Variants in TSHZ2 observed in about 807,000 individuals in gnomAD.
The protein encoded by TSHZ2 is teashirt homolog 2.
In TSHZ2, 21 loss-of-function variants were observed where a neutral mutation model predicts 74.4. The ratio of observed to expected loss-of-function variants is 0.28; its 90% CI spans 0.20 to 0.41. The LOEUF (loss-of-function observed/expected upper bound fraction) is 0.41, where lower values mean the gene tolerates loss of function less well. Ranked by LOEUF, TSHZ2 falls within the 10% of genes least tolerant of loss-of-function variation. TSHZ2 has a pLI of 1.00. For synonymous variants in TSHZ2, 540 were observed against 515.3 expected (o/e 1.05, Z -0.65); for missense variants, 1,244 against 1,293.5 (o/e 0.96, Z 0.59).
chr20:53,053,728 T>G (rs1280819524), intron 1 of TSHZ2, among the ~76,000 whole-genome samples: 1 of 152,108 alleles, frequency 6.6e-6, no homozygotes, highest in East Asian at 1.9e-4. Context: ...CATAAAACAT[T>G]TTTGAACTAT....
intron 2 of TSHZ2, among the ~76,000 whole-genome samples, chr20:53,279,446 CT>C (rs979054555): frequency 2.0e-5 from 3 of 152,218 alleles, no homozygotes; most frequent in Admixed American, 6.5e-5. Context: ...ATAAAAACCA[CT>C]CTTACTTTGT....
intron 2 of TSHZ2, among the ~76,000 whole-genome samples, chr20:53,423,913 C>T (rs1983569740): frequency 6.6e-6 from 1 of 152,174 alleles, no homozygotes. Context: ...GGGGGTGGTG[C>T]TGTTAGCGCC....
In TSHZ2 at chr20:53,396,286, C is replaced by T. The variant is rs1462881313; in HGVS notation, c.*9-90858C>T. ...ATACAAAATATCCAGCTCACATGTACGTATCGTGGTTCTGATGCACCAGCT... is the reference window on the plus strand; with the variant it reads ...ATACAAAATATCCAGCTCACATGTATGTATCGTGGTTCTGATGCACCAGCT... On this transcript the variant is annotated intron_variant, in intron 2 of 2. Transcript: ENST00000371497. 3.3e-5 allele frequency among the ~76,000 whole-genome samples: 5 copies of T among 152,294 alleles called. No homozygotes were observed. In the East Asian group the frequency reaches 5.8e-4, roughly 18 times the overall value.
intron 2 of TSHZ2, among the ~76,000 whole-genome samples, chr20:53,395,041 C>A (rs1469467014): frequency 1.3e-5 from 2 of 152,072 alleles, no homozygotes; most frequent in Non-Finnish European, 2.9e-5. Flanking sequence ...TTCTCTTCAG[C>A]ATGCGGGGAA....
intron 2 of TSHZ2, among the ~76,000 whole-genome samples, chr20:53,370,772 A>G (rs6091666): frequency 0.11 from 17,467 of 152,186 alleles, 2,515 homozygotes; most frequent in African/African-American, 0.34. Flanking sequence ...TCAAAAAACA[A>G]AACAAAACCA....
intron 2 of TSHZ2, among the ~76,000 whole-genome samples, chr20:53,480,616 C>T (rs965690349): frequency 3.3e-5 from 5 of 151,794 alleles, no homozygotes; most frequent in Non-Finnish European, 7.4e-5. Context: ...GGATGATGGA[C>T]AACAGCACCT....
intron 2 of TSHZ2, among the ~76,000 whole-genome samples, chr20:53,469,057 A>ATATATATG: frequency 8.9e-6 from 1 of 112,112 alleles, no homozygotes; most frequent in East Asian, 2.5e-4. Context: ...ATATATATAT[A>ATATATATG]TATATATATA....
intron 2 of TSHZ2, among the ~76,000 whole-genome samples, chr20:53,408,183 C>T (rs12626003): frequency 0.084 from 12,833 of 152,186 alleles, 1,414 homozygotes; most frequent in African/African-American, 0.25. Flanking sequence ...GAATGCCTGT[C>T]CTTCCACAGA....
intron 2 of TSHZ2, among the ~76,000 whole-genome samples, chr20:53,414,339 G>C (rs1983160522): frequency 6.6e-6 from 1 of 151,758 alleles, no homozygotes; most frequent in Non-Finnish European, 1.5e-5. Context: ...GCCAGTACTG[G>C]CTCAACATAG....
At chr20:53,138,396 A>G (rs1987303644) in intron 1 of TSHZ2, among the ~76,000 whole-genome samples, 1 of 151,742 alleles carries the variant, frequency 6.6e-6, no homozygotes, top group Non-Finnish European at 1.5e-5. Flanking sequence ...AAAAAGAAAA[A>G]AAAAAAAAAA....
At chr20:53,091,822 T>A (rs1001793776) in intron 1 of TSHZ2, among the ~76,000 whole-genome samples, 1 of 152,052 alleles carries the variant, frequency 6.6e-6, no homozygotes, top group Non-Finnish European at 1.5e-5. Flanking sequence ...GATTGGAGGA[T>A]CACTAGAACC....
At chr20:53,388,206 C>A (rs1263293214) in intron 2 of TSHZ2, among the ~76,000 whole-genome samples, 3 of 152,140 alleles carry the variant, frequency 2.0e-5, no homozygotes, top group Non-Finnish European at 4.4e-5. Flanking sequence ...TACACAGATC[C>A]CATAAGAGAC....
chr20:53,340,414 G>A (rs993262690), intron 2 of TSHZ2, among the ~76,000 whole-genome samples: 1 of 152,016 alleles, frequency 6.6e-6, no homozygotes, highest in African/African-American at 2.4e-5. Context: ...TCTAACTCCT[G>A]ACCTCGTGAT....
At chr20:53,246,068 C>T (rs1990197956) in intron 1 of TSHZ2, among the ~76,000 whole-genome samples, 1 of 116,474 alleles carries the variant, frequency 8.6e-6, no homozygotes, top group African/African-American at 3.7e-5. Context: ...GAGACAGAGT[C>T]TTGCTATCTT....
intron 1 of TSHZ2, among the ~76,000 whole-genome samples, chr20:52,987,061 AG>A (rs1981794930): frequency 6.6e-6 from 1 of 152,178 alleles, no homozygotes; most frequent in Non-Finnish European, 1.5e-5. Context: ...AACCCCCAGA[AG>A]ATAGAGGCTT....
chr20:53,305,131 G>A (rs979624524), intron 2 of TSHZ2, among the ~76,000 whole-genome samples: 4 of 149,734 alleles, frequency 2.7e-5, no homozygotes, highest in African/African-American at 9.9e-5. Flanking sequence ...GTAGAGATGG[G>A]GTTTCACCGT....
chr20:52,995,111 T>C (rs776350135), intron 1 of TSHZ2, among the ~76,000 whole-genome samples: 1 of 152,234 alleles, frequency 6.6e-6, no homozygotes, highest in Non-Finnish European at 1.5e-5. Flanking sequence ...AACTTTTTTA[T>C]CTTGATGAAT....
chr20:53,228,103 AACACAC>A (rs10561638), intron 1 of TSHZ2, among the ~76,000 whole-genome samples: 20,490 of 134,390 alleles, frequency 0.15, 1,732 homozygotes, highest in South Asian at 0.2. Flanking sequence ...TGGCCCCCAA[AACACAC>A]ACACACACAC....
chr20:53,138,635 T>C (rs1157134935), intron 1 of TSHZ2, among the ~76,000 whole-genome samples: 3 of 152,208 alleles, frequency 2.0e-5, no homozygotes, highest in Non-Finnish European at 4.4e-5. Context: ...TGTATTTTTC[T>C]ACCTGATGGA....
Sources: gnomAD v4.1 joint callset for allele counts (sites outside exome capture counted in the v4.1 genomes callset) on GRCh38, gnomAD v4.1.1 for gene constraint, MANE v1.5 for transcripts, NCBI Gene and HGNC (gene_info 2026-07-23, HGNC 2026-07-21) for gene names.